The following RABGAP1L variants were observed in gnomAD, a reference collection of about 807,000 sequenced individuals.
The protein encoded by RABGAP1L is RAB GTPase activating protein 1 like, also known as rab GTPase-activating protein 1-like.
A neutral mutation model predicts 137.7 loss-of-function variants in RABGAP1L; 63 were observed. That is an observed-to-expected ratio of 0.46 (90% CI 0.37 to 0.56). The LOEUF is 0.56. Ranked by LOEUF, RABGAP1L falls within the 20% of genes least tolerant of loss-of-function variation. The pLI is 0.00. For synonymous variants in RABGAP1L, 431 were observed against 433.7 expected, an observed-to-expected ratio of 0.99 and a Z score of 0.08; for missense variants, 1,095 against 1,244.0, an observed-to-expected ratio of 0.88 and a Z score of 1.80.
chr1:174,814,144 G>A (rs1330334763), intron 19 of RABGAP1L, among the ~76,000 whole-genome samples: 7 of 152,080 alleles, frequency 4.6e-5, no homozygotes, highest in East Asian at 1.9e-4. Flanking sequence ...ATGGAGAAGC[G>A]TAAAATGTTA....
chr1:174,559,238 T>A (rs1191723797), intron 13 of RABGAP1L, among the ~76,000 whole-genome samples: 1 of 152,194 alleles, frequency 6.6e-6, no homozygotes, highest in East Asian at 1.9e-4. Flanking sequence ...TCATAAGTCT[T>A]AGAACTTTAT....
intron 1 of RABGAP1L, among the ~76,000 whole-genome samples, chr1:174,194,012 AG>A (rs1483120733): frequency 1.0e-3 from 152 of 152,288 alleles, no homozygotes; most frequent in African/African-American, 3.4e-3. Flanking sequence ...GGAGAGACCA[AG>A]TTACGTGTTC....
At chr1:174,619,435 G>C (rs1310555961) in intron 13 of RABGAP1L, among the ~76,000 whole-genome samples, 1 of 152,230 alleles carries the variant, frequency 6.6e-6, no homozygotes, top group Non-Finnish European at 1.5e-5. Flanking sequence ...ACTAACAGCA[G>C]ATCTCTCGGC....
At chr1:174,776,441 A>G (rs1308242724) in intron 18 of RABGAP1L, among the ~76,000 whole-genome samples, 1 of 152,184 alleles carries the variant, frequency 6.6e-6, no homozygotes, top group Non-Finnish European at 1.5e-5. Flanking sequence ...AGGGAGCTGC[A>G]CACTTTCAAA....
At chr1:174,262,412 C>T (rs1673652514) in intron 7 of RABGAP1L, among the ~76,000 whole-genome samples, 1 of 152,068 alleles carries the variant, frequency 6.6e-6, no homozygotes, top group African/African-American at 2.4e-5. Flanking sequence ...AATGTGTTCT[C>T]ATAAGTTGAT....
In RABGAP1L at chr1:174,448,683, A is replaced by T; in HGVS notation, c.1710+54538A>T. 1 of 1,613,952 alleles carries T rather than the reference A, an allele frequency of 6.2e-7. No homozygotes were observed. The highest frequency in any genetic ancestry group is 8.5e-7 in the Non-Finnish European group (1 of 1,179,890). On this transcript the variant is annotated intron_variant, in intron 13 of 25. Coordinates refer to ENST00000681986, the MANE Select transcript of RABGAP1L (RefSeq NM_001366446.1). The surrounding 1 kb of genome is among the most constrained non-coding windows in gnomAD (Gnocchi z 4.2). ...CCTGGTTACCATGGTGACATTTTTG[A>T]ATGGTGTGCCACGTCTTGGCTCACC...
intron 12 of RABGAP1L, among the ~76,000 whole-genome samples, chr1:174,377,996 T>C (rs1685723410): frequency 7.5e-6 from 1 of 133,816 alleles, no homozygotes; most frequent in Non-Finnish European, 1.6e-5. Context: ...CCATGTGATC[T>C]CATTGTTCAA....
chr1:174,309,651 A>G (rs1678630371), intron 11 of RABGAP1L, among the ~76,000 whole-genome samples: 1 of 152,128 alleles, frequency 6.6e-6, no homozygotes. Flanking sequence ...GTGATGCATT[A>G]CATTTACAGA....
chr1:174,512,017 T>A (rs1312213202), intron 13 of RABGAP1L, among the ~76,000 whole-genome samples: 1 of 152,228 alleles, frequency 6.6e-6, no homozygotes, highest in Non-Finnish European at 1.5e-5. Flanking sequence ...CTTGATAAAG[T>A]ATAATTGTAC....
At chr1:174,988,012 T>C (rs1214496368) in intron 24 of RABGAP1L, among the ~76,000 whole-genome samples, 1 of 152,184 alleles carries the variant, frequency 6.6e-6, no homozygotes, top group African/African-American at 2.4e-5. Flanking sequence ...GGTTTCACCG[T>C]GTTAGCCAGG....
chr1:174,171,959 C>T (rs986636279), intron 1 of RABGAP1L, among the ~76,000 whole-genome samples: 10 of 152,142 alleles, frequency 6.6e-5, no homozygotes, highest in African/African-American at 1.4e-4. Flanking sequence ...TGAGATTACA[C>T]CACTGCACTC....
chr1:174,934,980 C>T (rs558602878), intron 19 of RABGAP1L: 1 of 152,282 alleles, frequency 6.6e-6, no homozygotes, highest in East Asian at 1.9e-4. Context: ...ACTTTATTTA[C>T]AGTAGAGAAC....
At chr1:174,701,011 G>GT (rs1440549848) in intron 16 of RABGAP1L, 19 of 1,246,644 alleles carry the variant, frequency 1.5e-5, no homozygotes, top group Admixed American at 2.7e-5. Context: ...TCCATTTGAA[G>GT]TACCTAATGG....
chr1:174,550,909 T>TACACACACAC (rs1159259220), intron 13 of RABGAP1L, among the ~76,000 whole-genome samples: 1 of 46,284 alleles, frequency 2.2e-5, no homozygotes, highest in Non-Finnish European at 3.6e-5. Flanking sequence ...CACACACATA[T>TACACACACAC]ACACACACAC....
chr1:174,280,048 G>GGAGGGGGA (rs1476116577), intron 10 of RABGAP1L, among the ~76,000 whole-genome samples: 2 of 125,254 alleles, frequency 1.6e-5, no homozygotes, highest in Non-Finnish European at 3.3e-5. Flanking sequence ...CTGTCTGCCT[G>GGAGGGGGA]GAGAGAGAGA....
At chr1:174,418,192 A>C (rs917235360) in intron 13 of RABGAP1L, among the ~76,000 whole-genome samples, 5 of 152,214 alleles carry the variant, frequency 3.3e-5, no homozygotes, top group Non-Finnish European at 7.3e-5. Context: ...AAAGCTGTAC[A>C]TCACTCCAAA....
intron 11 of RABGAP1L, among the ~76,000 whole-genome samples, chr1:174,309,295 C>T (rs1406985329): frequency 1.3e-5 from 2 of 151,990 alleles, no homozygotes; most frequent in African/African-American, 2.4e-5. Flanking sequence ...AAGATAATGT[C>T]ATCTGCAAAC....
chr1:174,833,538 A>G (rs1692406915), intron 19 of RABGAP1L, among the ~76,000 whole-genome samples: 1 of 142,324 alleles, frequency 7.0e-6, no homozygotes, highest in African/African-American at 2.5e-5. Context: ...CAGCCTCCCA[A>G]AGTGCTAGGA....
chr1:174,310,031 A>G (rs1385158806), intron 11 of RABGAP1L, among the ~76,000 whole-genome samples: 1 of 134,968 alleles, frequency 7.4e-6, no homozygotes, highest in Non-Finnish European at 1.5e-5. Flanking sequence ...TTACTGATCC[A>G]GTGTTATTAC....
Sources: gnomAD v4.1 joint callset for allele counts (sites outside exome capture counted in the v4.1 genomes callset) on GRCh38, gnomAD v4.1.1 for gene constraint, Gnocchi (gnomAD v3.1) non-coding constraint, MANE v1.5 for transcripts, NCBI Gene and HGNC (gene_info 2026-07-23, HGNC 2026-07-21) for gene names.